Variants in NTM observed in about 807,000 individuals in gnomAD.
NTM encodes the protein IgLON family member 2.
NTM carries 13 observed loss-of-function variants against 42.1 expected under a neutral mutation model. That is an observed-to-expected ratio of 0.31 (90% CI 0.20 to 0.49). NTM has a LOEUF of 0.49. NTM is among the 20% of genes least tolerant of loss of function. NTM has a pLI of 0.99. For synonymous variants in NTM, 187 were observed against 179.2 expected, an observed-to-expected ratio of 1.04 and a Z score of -0.35; for missense variants, 373 against 452.8, an observed-to-expected ratio of 0.82 and a Z score of 1.60.
At chr11:131,777,013 A>G (rs912075567) in intron 1 of NTM, 1 of 432,196 alleles carries the variant, frequency 2.3e-6, no homozygotes, top group African/African-American at 2.1e-5. Context: ...CAGTGCATAT[A>G]CTACAAAAGG....
At chr11:131,756,795 T>C (rs1397714348) in intron 1 of NTM, among the ~76,000 whole-genome samples, 1 of 152,232 alleles carries the variant, frequency 6.6e-6, no homozygotes, top group Non-Finnish European at 1.5e-5. Flanking sequence ...TGATTTACTT[T>C]ACCTGACCAT....
At chr11:132,215,153 G>A (rs554631042) in intron 4 of NTM, among the ~76,000 whole-genome samples, 146 of 152,318 alleles carry the variant, frequency 9.6e-4, no homozygotes, top group African/African-American at 3.3e-3. Flanking sequence ...GCACCTTAGC[G>A]GAGGCTCCAA....
chr11:132,295,134 A>T (rs1199726307), intron 4 of NTM, among the ~76,000 whole-genome samples: 3 of 151,904 alleles, frequency 2.0e-5, no homozygotes, highest in Non-Finnish European at 4.4e-5. Context: ...TGTCTCTCTC[A>T]CACACACAAA....
chr11:132,186,788 G>A (rs1035857266), intron 3 of NTM, among the ~76,000 whole-genome samples: 11 of 152,112 alleles, frequency 7.2e-5, no homozygotes, highest in African/African-American at 2.7e-4. Context: ...CAAACCACTG[G>A]CCCTCAAATG....
intron 2 of NTM, among the ~76,000 whole-genome samples, chr11:131,985,542 A>G (rs549577313): frequency 2.6e-5 from 4 of 152,310 alleles, no homozygotes; most frequent in Admixed American, 1.3e-4. Flanking sequence ...CTCAGGCGGC[A>G]TCCGGGAATG....
chr11:131,928,549 C>T lies in NTM; in HGVS notation c.167+16901C>T, dbSNP rs138456000. ...CGTCTGTGTTTTGTCCCACTGCAAA[C>T]TGTTTGTTTTCTATGGTCTCCCGTC... On this transcript the variant is annotated intron_variant, in intron 2 of 8. Transcript: ENST00000683400. Among the ~76,000 whole-genome samples the T allele has an allele frequency of 2.6e-3, 388 of 150,476 alleles. 3 individuals are homozygous for T. The highest frequency in any genetic ancestry group is 9.0e-3 in the African/African-American group (363 of 40,530).
intron 2 of NTM, among the ~76,000 whole-genome samples, chr11:132,089,443 G>A (rs1214650415): frequency 2.6e-5 from 4 of 152,172 alleles, no homozygotes; most frequent in Non-Finnish European, 5.9e-5. Context: ...ACCCATTGAG[G>A]GGAAAGCTTG....
intron 1 of NTM, among the ~76,000 whole-genome samples, chr11:131,708,205 T>C (rs906893561): frequency 1.3e-5 from 2 of 152,114 alleles, no homozygotes; most frequent in African/African-American, 2.4e-5. Context: ...TACCCTTATA[T>C]ATAAAGAACT....
At chr11:132,016,086 T>C (rs2073350509) in intron 2 of NTM, among the ~76,000 whole-genome samples, 1 of 151,360 alleles carries the variant, frequency 6.6e-6, no homozygotes, top group South Asian at 2.1e-4. Flanking sequence ...GTTTCTTCTC[T>C]GCCTGTTGTT....
chr11:132,282,369 G>A (rs897504378), intron 4 of NTM, among the ~76,000 whole-genome samples: 11 of 152,184 alleles, frequency 7.2e-5, no homozygotes, highest in African/African-American at 1.2e-4. Flanking sequence ...GGAAGCCAGT[G>A]GGTAACTTGA....
At chr11:132,053,515 G>T (rs989963972) in intron 2 of NTM, among the ~76,000 whole-genome samples, 4 of 152,166 alleles carry the variant, frequency 2.6e-5, no homozygotes, top group Admixed American at 2.0e-4. Context: ...CAAAGGAAAA[G>T]AATTCTGAAA....
intron 1 of NTM, among the ~76,000 whole-genome samples, chr11:131,666,522 C>T (rs1396496207): frequency 3.9e-5 from 6 of 152,158 alleles, no homozygotes; most frequent in African/African-American, 1.4e-4. Flanking sequence ...GGAGCCATGC[C>T]TACAACCACC....
At chr11:132,301,520 A>C (rs1047398199) in intron 4 of NTM, among the ~76,000 whole-genome samples, 4 of 152,096 alleles carry the variant, frequency 2.6e-5, no homozygotes, top group African/African-American at 9.7e-5. Context: ...GAGGAGTCTC[A>C]CCTCTGTCTG....
At chr11:132,079,600 T>A (rs544797162) in intron 2 of NTM, among the ~76,000 whole-genome samples, 1 of 152,336 alleles carries the variant, frequency 6.6e-6, no homozygotes, top group East Asian at 1.9e-4. Flanking sequence ...ATCTCCTGTT[T>A]TACAAAGTAT....
At chr11:131,574,790 A>T (rs531685663) in intron 1 of NTM, among the ~76,000 whole-genome samples, 8 of 152,154 alleles carry the variant, frequency 5.3e-5, no homozygotes, top group Middle Eastern at 3.4e-3. Context: ...CCAGGCTTTG[A>T]ATGGAAAGCA....
At chr11:131,989,321 TAAA>T (rs1259787974) in intron 2 of NTM, among the ~76,000 whole-genome samples, 10 of 152,018 alleles carry the variant, frequency 6.6e-5, no homozygotes, top group Non-Finnish European at 1.0e-4. Flanking sequence ...TTTCATCATT[TAAA>T]AAATCAACAG....
At chr11:131,999,370 G>A (rs1297543191) in intron 2 of NTM, among the ~76,000 whole-genome samples, 1 of 152,190 alleles carries the variant, frequency 6.6e-6, no homozygotes, top group Non-Finnish European at 1.5e-5. Flanking sequence ...CTTAGTACTT[G>A]AGCAATGCCC....
chr11:131,877,386 G>C (rs1213004480), intron 1 of NTM, among the ~76,000 whole-genome samples: 1 of 152,212 alleles, frequency 6.6e-6, no homozygotes, highest in African/African-American at 2.4e-5. Flanking sequence ...CTATCTTCAA[G>C]AGTGTGTCCA....
chr11:131,803,797 G>A (rs184143046), intron 1 of NTM, among the ~76,000 whole-genome samples: 7 of 152,184 alleles, frequency 4.6e-5, no homozygotes, highest in East Asian at 3.9e-4. Flanking sequence ...GGGCTCCTCC[G>A]CCTTGTCTGC....
Sources: allele counts gnomAD v4.1 joint callset (sites outside exome capture counted in the v4.1 genomes callset), GRCh38; gene constraint gnomAD v4.1.1; transcripts MANE v1.5; gene names NCBI Gene and HGNC (gene_info 2026-07-23, HGNC 2026-07-21).